The following CSMD1 variants were observed in gnomAD, a reference collection of about 807,000 sequenced individuals.
The protein encoded by CSMD1 is CUB and sushi domain-containing protein 1.
CSMD1 carries 213 observed loss-of-function variants against 417.5 expected under a neutral mutation model. The observed-to-expected ratio is 0.51, with a 90% confidence interval of 0.46 to 0.57. CSMD1 has a LOEUF of 0.57. Ranked by LOEUF, CSMD1 falls within the 20% of genes least tolerant of loss-of-function variation. The probability of loss-of-function intolerance (pLI) is 0.00; values close to 1 mark genes in which losing one functional copy is unlikely to be tolerated. For synonymous variants in CSMD1, 2,862 were observed against 1,736.8 expected (o/e 1.65, Z -16.11); for missense variants, 6,923 against 4,529.7 (o/e 1.53, Z -15.17).
chr8:3,303,944 G>T (rs540572619), intron 25 of CSMD1, among the ~76,000 whole-genome samples: 1 of 75,044 alleles, frequency 1.3e-5, no homozygotes, highest in South Asian at 6.1e-4. Context: ...GGGGTATTGC[G>T]CCCCATTATA....
At chr8:4,133,252 T>C (rs140896173) in intron 3 of CSMD1, among the ~76,000 whole-genome samples, 1,602 of 152,254 alleles carry the variant, frequency 0.011, 17 homozygotes, top group Non-Finnish European at 0.015. Flanking sequence ...CATCTAATAA[T>C]ATTATTAAGC....
intron 12 of CSMD1, among the ~76,000 whole-genome samples, chr8:3,441,155 C>G (rs1814957242): frequency 6.6e-6 from 1 of 152,066 alleles, no homozygotes. Context: ...GCATAGGAGA[C>G]ACTGTAAGCT....
At chr8:4,748,886 C>T (rs894707381) in intron 1 of CSMD1, among the ~76,000 whole-genome samples, 6 of 152,328 alleles carry the variant, frequency 3.9e-5, no homozygotes, top group African/African-American at 1.4e-4. Context: ...CAAAGTTATT[C>T]CGGTCCTGTT....
intron 5 of CSMD1, among the ~76,000 whole-genome samples, chr8:3,963,474 T>C (rs1445498473): frequency 6.6e-6 from 1 of 152,178 alleles, no homozygotes; most frequent in Non-Finnish European, 1.5e-5. Flanking sequence ...GCCTCATAAC[T>C]GAACATTATG....
intron 21 of CSMD1, among the ~76,000 whole-genome samples, chr8:3,356,048 A>G (rs1585045612): frequency 6.6e-6 from 1 of 152,196 alleles, no homozygotes; most frequent in East Asian, 1.9e-4. Flanking sequence ...CTTGATAGAG[A>G]GAGAAATAGT....
chr8:4,736,555 G>A (rs979484317), intron 1 of CSMD1, among the ~76,000 whole-genome samples: 2 of 152,146 alleles, frequency 1.3e-5, no homozygotes, highest in Non-Finnish European at 2.9e-5. Context: ...GAAAACCCCA[G>A]GGAAGGTGAA....
intron 3 of CSMD1, among the ~76,000 whole-genome samples, chr8:4,277,342 C>T (rs1044335224): frequency 1.6e-4 from 24 of 152,148 alleles, no homozygotes; most frequent in Non-Finnish European, 2.8e-4. Context: ...GGATTTCTGA[C>T]CTTTCACTCC....
intron 2 of CSMD1, among the ~76,000 whole-genome samples, chr8:4,480,625 T>A (rs554280986): frequency 1.3e-5 from 2 of 152,230 alleles, no homozygotes; most frequent in African/African-American, 4.8e-5. Context: ...AACAAACACG[T>A]CTGTGGGCCA....
At chr8:4,075,067 G>C (rs531229869) in intron 3 of CSMD1, among the ~76,000 whole-genome samples, 26 of 152,158 alleles carry the variant, frequency 1.7e-4, no homozygotes, top group Middle Eastern at 3.4e-3. Context: ...TGCTCATACA[G>C]TGAATAATAT....
rs143350554 is a variant in CSMD1, at chr8:3,629,882, C to T, written c.1010-13085G>A. Among the ~76,000 whole-genome samples, 137 of 152,290 alleles carry T rather than the reference C, an allele frequency of 9.0e-4. 1 individual carries two copies. The highest frequency in any genetic ancestry group is 3.1e-3 in the African/African-American group (130 of 41,558). ...AAAACTAGTTGTACAGGAAATCGTG[C>T]CTTTTCACTTAGAAAAAAGTAGATT... On this transcript the variant is annotated intron_variant, in intron 7 of 69. Transcript: ENST00000635120.
intron 5 of CSMD1, among the ~76,000 whole-genome samples, chr8:3,906,566 T>C (rs1458847986): frequency 2.0e-5 from 3 of 150,788 alleles, no homozygotes; most frequent in Non-Finnish European, 4.4e-5. Context: ...ATATAAGCTG[T>C]ACCATGAGGT....
intron 1 of CSMD1, among the ~76,000 whole-genome samples, chr8:4,858,396 T>C (rs1320809444): frequency 6.6e-6 from 1 of 150,926 alleles, no homozygotes; most frequent in South Asian, 2.1e-4. Flanking sequence ...TTCAACGTAG[T>C]GTTGGAAGTT....
chr8:4,891,539 G>C (rs13252245), intron 1 of CSMD1, among the ~76,000 whole-genome samples: 144,883 of 152,188 alleles, frequency 0.95, 69,126 homozygotes, highest in East Asian at 1. Context: ...TTTTTATAGG[G>C]AGTTTGCCTT....
intron 10 of CSMD1, among the ~76,000 whole-genome samples, chr8:3,544,453 G>C (rs559738443): frequency 5.3e-5 from 8 of 151,946 alleles, no homozygotes; most frequent in South Asian, 2.1e-4. Context: ...TCTCGGGAAC[G>C]CCTTACTCTG....
At position 3,807,529 on chromosome 8, in the gene CSMD1, T is replaced by C. The variant is rs538701830; in HGVS notation, c.819-53487A>G. On this transcript the variant is annotated intron_variant, in intron 5 of 69. Coordinates refer to ENST00000635120, the MANE Select transcript of CSMD1 (RefSeq NM_033225.6). ...ATTACCAGGGCAGAGCTTCAACAGATACTAATGATATGTTAATTAGTTAAT... is the reference window on the plus strand; with the variant it reads ...ATTACCAGGGCAGAGCTTCAACAGACACTAATGATATGTTAATTAGTTAAT... 2.6e-5 allele frequency among the ~76,000 whole-genome samples: 4 copies of C among 152,326 alleles called. No homozygotes were observed. The East Asian group carries it at 7.7e-4, about 29-fold the overall frequency.
chr8:4,896,403 G>C (rs57800135), intron 1 of CSMD1, among the ~76,000 whole-genome samples: 1 of 151,990 alleles, frequency 6.6e-6, no homozygotes, highest in Admixed American at 6.6e-5. Context: ...TACTCGCTTC[G>C]ATTATTTACT....
chr8:3,243,935 T>G (rs562865816), intron 26 of CSMD1, among the ~76,000 whole-genome samples: 1 of 152,250 alleles, frequency 6.6e-6, no homozygotes, highest in Admixed American at 6.5e-5. Flanking sequence ...TATGTAAAAT[T>G]TTATTTGTTG....
At chr8:3,448,401 A>AGGAG (rs1815463901) in intron 12 of CSMD1, among the ~76,000 whole-genome samples, 1 of 22,862 alleles carries the variant, frequency 4.4e-5, no homozygotes, top group African/African-American at 1.8e-4. Flanking sequence ...GAGGAAGGGA[A>AGGAG]GGAAGGAAGG....
rs1421300436 is a variant in CSMD1, at chr8:4,168,847, C to T, written c.416-136748G>A. Among the ~76,000 whole-genome samples, 5 of 152,114 alleles carry T rather than the reference C, an allele frequency of 3.3e-5. No individual in the cohort carries two copies. In the South Asian group the frequency reaches 1.0e-3, roughly 32 times the overall value. ...TCCGGCTCTCTGTTGTCTTCAGCCT[C>T]CACCACAGTTGCTTTAGACACGGTG... On this transcript the variant is annotated intron_variant, in intron 3 of 69. Transcript: ENST00000635120.
Sources: allele counts gnomAD v4.1 joint callset (sites outside exome capture counted in the v4.1 genomes callset), GRCh38; gene constraint gnomAD v4.1.1; transcripts MANE v1.5; gene names NCBI Gene and HGNC (gene_info 2026-07-23, HGNC 2026-07-21).